The following PRIMA1 variants were observed in gnomAD, a reference collection of about 807,000 sequenced individuals.
PRIMA1 encodes proline-rich membrane anchor 1.
In PRIMA1, 7 loss-of-function variants were observed where a neutral mutation model predicts 17.5. The observed-to-expected ratio is 0.40, with a 90% CI of 0.23 to 0.75. PRIMA1 has a LOEUF of 0.75. Among genes scored for constraint, PRIMA1 ranks in the 30% least tolerant of loss-of-function variants. The probability of loss-of-function intolerance (pLI) is 0.37; values close to 1 mark genes in which losing one functional copy is unlikely to be tolerated. For missense variants in PRIMA1, 200 were observed against 201.8 expected (o/e 0.99, Z 0.05); for synonymous variants, 97 against 77.9 (o/e 1.25, Z -1.29).
chr14:93,759,582 AAG>A (rs1284804494), intron 3 of PRIMA1, among the ~76,000 whole-genome samples: 3 of 152,190 alleles, frequency 2.0e-5, no homozygotes, highest in South Asian at 2.1e-4. Flanking sequence ...ACTTGCAAAA[AAG>A]AGAGCATGAC....
Position 93,788,469 on chromosome 14 carries a change from C to G in PRIMA1, c.-91G>C, listed in dbSNP as rs1056612122. 1 of 152,380 alleles carries G rather than the reference C, an allele frequency of 6.6e-6. No individual in the cohort carries two copies. The highest frequency in any genetic ancestry group is 2.4e-5 in the African/African-American group (1 of 41,472). The allele number at this position is 152,380 out of a possible 1,614,324, so 9.4% of individuals were successfully genotyped here. ...CGGGGAAAAGAGGTCCGCGTTCCCC[C>G]CGCGGCAGCTCTGTTTCCCAGCAGC... On this transcript the variant is annotated 5_prime_UTR_variant, in exon 1 of 5. Coordinates refer to ENST00000393140, the MANE Select transcript of PRIMA1 (RefSeq NM_178013.4).
chr14:93,736,642 G>GC (rs112100371), intron 4 of PRIMA1, among the ~76,000 whole-genome samples: 37 of 152,200 alleles, frequency 2.4e-4, no homozygotes, highest in Non-Finnish European at 4.9e-4. Flanking sequence ...GCTTTCTGTG[G>GC]CCCCCCATCC....
At chr14:93,787,564 A>G in intron 2 of PRIMA1, 62 bp downstream of exon 2, 1 of 1,535,828 alleles carries the variant, frequency 6.5e-7, no homozygotes, top group Non-Finnish European at 8.7e-7. Context: ...TCAGGAGGGA[A>G]GGGACAGCTC....
chr14:93,752,651 G>A (rs928656193), intron 3 of PRIMA1, among the ~76,000 whole-genome samples: 7 of 152,114 alleles, frequency 4.6e-5, no homozygotes, highest in Non-Finnish European at 7.4e-5. Context: ...TTTCTGTGAC[G>A]CTGGCTTGTC....
chr14:93,773,119 C>T (rs1303587342), intron 3 of PRIMA1, among the ~76,000 whole-genome samples: 1 of 152,206 alleles, frequency 6.6e-6, no homozygotes, highest in East Asian at 1.9e-4. Flanking sequence ...GGTTGGACCT[C>T]AGGTCTAGAG....
intron 3 of PRIMA1, among the ~76,000 whole-genome samples, chr14:93,741,000 A>C (rs543870307): frequency 1.3e-5 from 2 of 152,182 alleles, no homozygotes; most frequent in Non-Finnish European, 2.9e-5. Context: ...CAGTGAGCCC[A>C]TGGTTCACAG....
chr14:93,743,479 G>C (rs1229314173), intron 3 of PRIMA1, among the ~76,000 whole-genome samples: 1 of 152,244 alleles, frequency 6.6e-6, no homozygotes, highest in Non-Finnish European at 1.5e-5. Flanking sequence ...GAGCAGCCCA[G>C]CTCCGGGCCC....
chr14:93,746,918 T>C (rs2076222029), intron 3 of PRIMA1, among the ~76,000 whole-genome samples: 1 of 152,162 alleles, frequency 6.6e-6, no homozygotes. Context: ...GGAAGATTAC[T>C]GGGTCCGTGC....
intron 4 of PRIMA1, chr14:93,725,893 T>G (rs2076072204): frequency 2.2e-6 from 1 of 455,754 alleles, no homozygotes; most frequent in South Asian, 1.5e-5. Context: ...GGACCCAGCC[T>G]GGCTCTGCAG....
In PRIMA1 at chr14:93,719,972, G is replaced by C. The variant is rs1311737541; in HGVS notation, c.*1472C>G. On this transcript the variant is annotated 3_prime_UTR_variant, in exon 5 of 5. Transcript: ENST00000393140. ...GGGCTTTTTAAGGTTCGGCCCAAAT[G>C]GGGACCGGTTTTCAGGTGTGTCTGT... The C allele has an allele frequency of 6.6e-6, 1 of 152,232 alleles. No homozygotes were observed. Among genetic ancestry groups the C allele is most frequent in the African/African-American group, 2.4e-5 (1 of 41,444 alleles). The allele number at this position is 152,232 out of a possible 1,614,324, so 9.4% of individuals were successfully genotyped here.
chr14:93,735,503 G>A (rs2076143929), intron 4 of PRIMA1, among the ~76,000 whole-genome samples: 1 of 152,004 alleles, frequency 6.6e-6, no homozygotes, highest in African/African-American at 2.4e-5. Flanking sequence ...TGACTCCTCC[G>A]GGCAGCCACA....
intron 2 of PRIMA1, among the ~76,000 whole-genome samples, chr14:93,780,794 G>C (rs770362278): frequency 4.6e-5 from 7 of 152,210 alleles, no homozygotes; most frequent in African/African-American, 7.2e-5. Context: ...ATAAATCCAA[G>C]AGTCTGGTGT....
At position 93,748,041 on chromosome 14, in the gene PRIMA1, T is replaced by TGGGA. The variant is rs1555415672; in HGVS notation, c.230-10672_230-10671insTCCC. Among the ~76,000 whole-genome samples the TGGGA allele has an allele frequency of 2.7e-5, 4 of 150,148 alleles. No individual in the cohort carries two copies. In the East Asian group the frequency reaches 5.9e-4, roughly 22 times the overall value. ...GAGAGTGGGGGACTGTGTGTGGGAG[T>TGGGA]GTGTGAGTGTGTGTATGTGAGTGTG... On this transcript the variant is annotated intron_variant, in intron 3 of 4. Coordinates refer to ENST00000393140, the MANE Select transcript of PRIMA1 (RefSeq NM_178013.4).
chr14:93,779,342 G>T, intron 2 of PRIMA1, 31 bp from the exon 3 acceptor site: 1 of 1,525,978 alleles, frequency 6.6e-7, no homozygotes, highest in African/African-American at 1.4e-5. Context: ...ACCCAAGAGA[G>T]AGAGAAGACC....
chr14:93,742,934 C>A (rs2076193459), intron 3 of PRIMA1, among the ~76,000 whole-genome samples: 1 of 152,188 alleles, frequency 6.6e-6, no homozygotes, highest in Non-Finnish European at 1.5e-5. Context: ...AACAGCTTTC[C>A]CCGTCAGAGC....
chr14:93,778,143 G>C (rs936392969), intron 3 of PRIMA1, among the ~76,000 whole-genome samples: 2 of 152,210 alleles, frequency 1.3e-5, no homozygotes, highest in African/African-American at 2.4e-5. Flanking sequence ...TAATTGTGAC[G>C]ATTCCCAAGT....
At chr14:93,758,977 G>T (rs754747837) in intron 3 of PRIMA1, among the ~76,000 whole-genome samples, 18 of 152,192 alleles carry the variant, frequency 1.2e-4, no homozygotes, top group Non-Finnish European at 2.1e-4. Flanking sequence ...TTGGCAGGTA[G>T]TAGGTGTTCA....
At chr14:93,770,312 C>T (rs974593688) in intron 3 of PRIMA1, among the ~76,000 whole-genome samples, 4 of 152,208 alleles carry the variant, frequency 2.6e-5, no homozygotes, top group African/African-American at 7.2e-5. Context: ...ACTCAAAACC[C>T]GCTGGCTTCT....
chr14:93,743,285 G>T (rs2141165583), intron 3 of PRIMA1, among the ~76,000 whole-genome samples: 1 of 152,296 alleles, frequency 6.6e-6, no homozygotes, highest in Non-Finnish European at 1.5e-5. Flanking sequence ...GGGGCCTCTG[G>T]GCCTCAGAGG....
Sources: allele counts gnomAD v4.1 joint callset (sites outside exome capture counted in the v4.1 genomes callset), GRCh38; gene constraint gnomAD v4.1.1; transcripts MANE v1.5; gene names NCBI Gene and HGNC (gene_info 2026-07-23, HGNC 2026-07-21).